Variants in PRKN observed in about 807,000 individuals in gnomAD.
PRKN encodes parkin RBR E3 ubiquitin protein ligase.
PRKN carries 56 observed loss-of-function variants against 59.5 expected under a neutral mutation model. The observed-to-expected ratio is 0.94, with a 90% CI of 0.76 to 1.18. The LOEUF (loss-of-function observed/expected upper bound fraction) is 1.18. PRKN is among the 50% of genes most tolerant of loss of function. The pLI is 0.00. For synonymous variants in PRKN, 250 were observed against 222.1 expected (o/e 1.13, Z -1.12); for missense variants, 657 against 596.4 (o/e 1.10, Z -1.06).
chr6:162,564,363 C>CA (rs143547116), intron 1 of PRKN, among the ~76,000 whole-genome samples: 15,369 of 150,924 alleles, frequency 0.1, 940 homozygotes, highest in Middle Eastern at 0.19. Context: ...AGAACAAAAA[C>CA]AAAAAAAACA....
chr6:161,763,912 C>G (rs1033433549), intron 7 of PRKN, among the ~76,000 whole-genome samples: 5 of 152,102 alleles, frequency 3.3e-5, no homozygotes, highest in African/African-American at 1.2e-4. Context: ...TTCACCTCTC[C>G]TCTTGCCCCT....
intron 4 of PRKN, among the ~76,000 whole-genome samples, chr6:162,057,235 C>A (rs546026006): frequency 2.0e-5 from 3 of 152,268 alleles, no homozygotes; most frequent in East Asian, 3.9e-4. Context: ...AATGGAAGCA[C>A]TTATGTGATT....
At chr6:162,342,260 G>A (rs1178715076) in intron 2 of PRKN, among the ~76,000 whole-genome samples, 1 of 152,082 alleles carries the variant, frequency 6.6e-6, no homozygotes, top group Non-Finnish European at 1.5e-5. Flanking sequence ...TATGGCCAAC[G>A]TTTCCCTTCA....
At chr6:162,388,937 G>A (rs1787003890) in intron 2 of PRKN, among the ~76,000 whole-genome samples, 2 of 145,368 alleles carry the variant, frequency 1.4e-5, no homozygotes, top group Admixed American at 1.4e-4. Context: ...AAGTCACAGA[G>A]GCCAAGACCC....
chr6:161,786,780 T>C (rs1385769448), intron 6 of PRKN, among the ~76,000 whole-genome samples: 1 of 152,220 alleles, frequency 6.6e-6, no homozygotes, highest in Admixed American at 6.5e-5. Flanking sequence ...ATTCTTCTAC[T>C]GCAAGATTTT....
intron 6 of PRKN, among the ~76,000 whole-genome samples, chr6:161,883,517 G>A (rs563821885): frequency 1.3e-4 from 19 of 151,512 alleles, no homozygotes; most frequent in African/African-American, 4.4e-4. Context: ...AGGTGGGGAG[G>A]GGAGGGGAGG....
intron 11 of PRKN, among the ~76,000 whole-genome samples, chr6:161,351,083 A>G (rs1784530860): frequency 8.6e-6 from 1 of 115,848 alleles, no homozygotes; most frequent in Admixed American, 1.2e-4. Context: ...ATATATATAA[A>G]TATATTTTTA....
At chr6:162,617,057 GATA>G (rs1435450689) in intron 1 of PRKN, among the ~76,000 whole-genome samples, 5 of 152,050 alleles carry the variant, frequency 3.3e-5, no homozygotes, top group East Asian at 1.9e-4. Flanking sequence ...ATTTTTAATT[GATA>G]ATAATTGTAC....
At chr6:161,412,818 TCACTCACTCCTTCCTCACTCATTCCTC>T (rs1787648653) in intron 9 of PRKN, among the ~76,000 whole-genome samples, 2 of 148,486 alleles carry the variant, frequency 1.3e-5, no homozygotes, top group Non-Finnish European at 3.0e-5. Flanking sequence ...ACTCATTCCT[TCACTCACTCCTTCCTCACTCATTCCTC>T]CACTCACTCA....
In PRKN at chr6:161,826,639, C is replaced by G. The variant is rs896362282; in HGVS notation, c.735-40731G>C. Among the ~76,000 whole-genome samples, 3 of 152,200 alleles carry G rather than the reference C, an allele frequency of 2.0e-5. No homozygotes were observed. The East Asian group carries it at 5.8e-4, about 29-fold the overall frequency. On this transcript the variant is annotated intron_variant, in intron 6 of 11. Coordinates refer to ENST00000366898, the MANE Select transcript of PRKN (RefSeq NM_004562.3). ...CTTGTTCCACCCAGTCAGTTCTAGA[C>G]AGATGGCCACAATACACATTTTTGA...
intron 4 of PRKN, among the ~76,000 whole-genome samples, chr6:162,113,128 GAGA>G (rs1780513286): frequency 6.6e-6 from 1 of 152,190 alleles, no homozygotes; most frequent in African/African-American, 2.4e-5. Context: ...ATAAAAGGAT[GAGA>G]AGAAGCTGTG....
intron 10 of PRKN, among the ~76,000 whole-genome samples, chr6:161,380,713 T>C (rs1296971327): frequency 6.6e-6 from 1 of 152,176 alleles, no homozygotes; most frequent in Non-Finnish European, 1.5e-5. Flanking sequence ...TAACACAACG[T>C]TGCAGCCAAA....
intron 9 of PRKN, among the ~76,000 whole-genome samples, chr6:161,535,329 A>G (rs901214135): frequency 3.3e-5 from 5 of 152,146 alleles, no homozygotes; most frequent in South Asian, 2.1e-4. Flanking sequence ...ACAAAAAAAG[A>G]TAACCAAGGA....
chr6:162,253,279 A>AAATCTAATCTAATCTAATCTAATCT lies in PRKN; in HGVS notation c.412+9221_412+9245dup, dbSNP rs56965676. Among the ~76,000 whole-genome samples the AAATCTAATCTAATCTAATCTAATCT allele has an allele frequency of 8.4e-4, 126 of 149,526 alleles. 1 individual carries two copies. The highest frequency in any genetic ancestry group is 2.2e-3 in the African/African-American group (88 of 40,304). On this transcript the variant is annotated intron_variant, in intron 3 of 11. Coordinates refer to ENST00000366898, the MANE Select transcript of PRKN (RefSeq NM_004562.3). ...AGGCATGCTGGTGACAACAGGCAACAAATCTAATCTAATCTAATCTAATCT... is the reference window on the plus strand; with the variant it reads ...AGGCATGCTGGTGACAACAGGCAACAAATCTAATCTAATCTAATCTAATCTAATCTAATCTAATCTAATCTAATCT...
chr6:162,652,790 TAAG>T (rs1045049029), intron 1 of PRKN, among the ~76,000 whole-genome samples: 6 of 151,302 alleles, frequency 4.0e-5, no homozygotes, highest in Non-Finnish European at 5.9e-5. Context: ...TAAAAAAAAA[TAAG>T]AAGAAGAAGA....
chr6:162,004,974 A>G (rs543694977), intron 5 of PRKN, among the ~76,000 whole-genome samples: 2 of 152,358 alleles, frequency 1.3e-5, no homozygotes, highest in Admixed American at 1.3e-4. Context: ...TTTTCTTTCC[A>G]TAGGAAAATA....
In PRKN at chr6:161,400,341, CTT is replaced by C. The variant is rs1021147084; in HGVS notation, c.1084-13466_1084-13465del. On this transcript the variant is annotated intron_variant, in intron 9 of 11. Transcript: ENST00000366898. The surrounding 1 kb of genome is among the most constrained non-coding windows in gnomAD (Gnocchi z 4.2). ...TTTTTTTTTGAGATGGAATTTCACT[CTT>C]GTCACCCAGGCTGGAGTGCAATGGC... is the stretch of plus-strand genomic sequence containing the variant. Among the ~76,000 whole-genome samples the C allele has an allele frequency of 6.6e-5, 10 of 150,504 alleles. No homozygotes were observed. Among genetic ancestry groups the C allele is most frequent in the Middle Eastern group, 3.4e-3 (1 of 294 alleles).
Position 162,506,711 on chromosome 6 carries a change from A to G in PRKN, c.8-63238T>C, listed in dbSNP as rs577212579. On this transcript the variant is annotated intron_variant, in intron 1 of 11. Coordinates refer to ENST00000366898, the MANE Select transcript of PRKN (RefSeq NM_004562.3). ...CTTCGGGAGAAGAGGTAAGGAGGAGATATCAATACAGTGGGAAGAGATGAC... is the reference window on the plus strand; with the variant it reads ...CTTCGGGAGAAGAGGTAAGGAGGAGGTATCAATACAGTGGGAAGAGATGAC... Among the ~76,000 whole-genome samples, 12 of 152,232 alleles carry G rather than the reference A, an allele frequency of 7.9e-5. No homozygotes were observed. In the South Asian group the frequency reaches 1.2e-3, roughly 16 times the overall value.
intron 7 of PRKN, among the ~76,000 whole-genome samples, chr6:161,698,141 A>G (rs1786099203): frequency 6.6e-6 from 1 of 152,172 alleles, no homozygotes; most frequent in African/African-American, 2.4e-5. Flanking sequence ...TTAAATAACA[A>G]TGGCCTAAAC....
Sources: allele counts gnomAD v4.1 joint callset (sites outside exome capture counted in the v4.1 genomes callset), GRCh38; gene constraint gnomAD v4.1.1; non-coding constraint Gnocchi (gnomAD v3.1); transcripts MANE v1.5; gene names NCBI Gene and HGNC (gene_info 2026-07-23, HGNC 2026-07-21).